CAPN8: variants seen among roughly 807,000 people sequenced by gnomAD.
CAPN8 encodes calpain 8, also known as calpain-8.
CAPN8 carries 87 observed loss-of-function variants against 80.9 expected under a neutral mutation model. That is an observed-to-expected ratio of 1.07 (90% CI 0.90 to 1.28). The LOEUF is 1.28. Among genes scored for constraint, CAPN8 ranks in the 50% most tolerant of loss-of-function variants. CAPN8 has a pLI of 0.00. For missense variants in CAPN8, 757 were observed against 702.0 expected, an observed-to-expected ratio of 1.08 and a Z score of -0.89; for synonymous variants, 299 against 273.8, an observed-to-expected ratio of 1.09 and a Z score of -0.91.
chr1:223,654,842 ATTT>A (rs35365292), intron 1 of CAPN8, among the ~76,000 whole-genome samples: 1,558 of 111,730 alleles, frequency 0.014, 36 homozygotes, highest in African/African-American at 0.05. Context: ...CACCCGGCTA[ATTT>A]TTTTTTTTTT....
At position 223,665,490 on chromosome 1, in the gene CAPN8, C is replaced by T; in HGVS notation, c.157G>A (p.Ala53Thr). The stretch of plus-strand genomic sequence containing the variant: ...TTGTAGCCCAAAGCTGATGGACATG[C>T]TGGGAACTCAGGGTCCTTAAATAGG... ...GVLFKDPEFP[A>T]CPSALGYKDL... The change falls in exon 1 of 21, where the codon GCA (alanine) becomes ACA (threonine). Residue 53 changes from alanine to threonine, a missense_variant. Coordinates refer to ENST00000366872, the MANE Select transcript of CAPN8 (RefSeq NM_001143962.2). 1 of 1,551,880 alleles carries T rather than the reference C, an allele frequency of 6.4e-7. No homozygotes were observed. Among genetic ancestry groups the T allele is most frequent in the Non-Finnish European group, 8.7e-7 (1 of 1,147,020 alleles).
chr1:223,627,472 C>T (rs766485168), intron 4 of CAPN8, among the ~76,000 whole-genome samples: 3 of 152,196 alleles, frequency 2.0e-5, no homozygotes, highest in Non-Finnish European at 4.4e-5. Flanking sequence ...AGAAGGAGAA[C>T]TTTCCCTCAA....
chr1:223,558,217 A>G, intron 12 of CAPN8, 50 bp from the exon 13 acceptor site: 1 of 398,594 alleles, frequency 2.5e-6, no homozygotes, highest in Non-Finnish European at 4.4e-6. Flanking sequence ...TAAAAAGTAC[A>G]GCTAATGGCT....
chr1:223,656,044 G>A (rs1259848429), intron 1 of CAPN8, among the ~76,000 whole-genome samples: 6 of 152,138 alleles, frequency 3.9e-5, no homozygotes, highest in Non-Finnish European at 8.8e-5. Context: ...GCTGGCAGTG[G>A]GGATTCTGGG....
At chr1:223,555,990 A>G (rs977883550) in intron 13 of CAPN8, among the ~76,000 whole-genome samples, 2 of 152,228 alleles carry the variant, frequency 1.3e-5, no homozygotes, top group African/African-American at 2.4e-5. Flanking sequence ...ATCTATATGA[A>G]AATGCTTTGC....
In CAPN8 at chr1:223,543,161, A is replaced by C. The variant is rs1382980588; in HGVS notation, c.2035T>G (p.Phe679Val). Residue 679 changes from phenylalanine to valine, a missense_variant, in exon 20 of 21, where the codon TTC becomes GTC. By Grantham distance (50) the Phe-to-Val change is conservative. Coordinates refer to ENST00000366872, the MANE Select transcript of CAPN8 (RefSeq NM_001143962.2). ...TCCTTGTCTTCGTCCAGAAGGCTGA[A>C]TAGTTCTAAAACACCAGAGAAGGAA... ...MIRLETLFKL[F>V]SLLDEDKDGM... The C allele has an allele frequency of 6.4e-7, 1 of 1,551,564 alleles. No homozygotes were observed. Among genetic ancestry groups the C allele is most frequent in the African/African-American group, 1.4e-5 (1 of 73,056 alleles).
rs564925353 is a variant in CAPN8, at chr1:223,662,439, ACT to A, written c.237+2969_237+2970del. 2.6e-3 allele frequency among the ~76,000 whole-genome samples: 399 copies of A among 151,902 alleles called. 2 individuals carry two copies. Among genetic ancestry groups the A allele is most frequent in the African/African-American group, 9.1e-3 (376 of 41,382 alleles). The stretch of plus-strand genomic sequence containing the variant: ...ACTCCAGCCTGGGCAACAGAGAAAG[ACT>A]CTATCTCAAACAAAAAAAAAGAAAG... On this transcript the variant is annotated intron_variant, in intron 1 of 20. Transcript: ENST00000366872.
At position 223,627,016 on chromosome 1, in the gene CAPN8, C is replaced by T. The variant is rs767030878; in HGVS notation, c.702G>A (p.Ala234=). 41 of 1,551,694 alleles carry T rather than the reference C, an allele frequency of 2.6e-5. No individual in the cohort carries two copies. Among genetic ancestry groups the T allele is most frequent in the Middle Eastern group, 3.3e-4 (2 of 6,014 alleles). ...CAATGGAGCAGCCCAGCAGAGACCC[C>T]GCACAGAGGGCCTTCCGGATGATCT... ...LYQIIRKALC[A]GSLLGCSIDV... Residue 234 remains alanine (A), a synonymous_variant, in exon 5 of 21, where the codon GCG becomes GCA. Transcript: ENST00000366872.
rs1305947376 is a variant in CAPN8 at position 223,620,090 on chromosome 1, C to A, written c.974+102G>T. 4 of 943,986 alleles carry A rather than the reference C, an allele frequency of 4.2e-6. No individual in the cohort carries two copies. The African/African-American group carries it at 4.9e-5, about 12-fold the overall frequency. The allele number at this position is 943,986 out of a possible 1,614,324, so 58.5% of individuals were successfully genotyped here. On this transcript the variant is annotated intron_variant, in intron 8 of 20. Coordinates refer to ENST00000366872, the MANE Select transcript of CAPN8 (RefSeq NM_001143962.2). The stretch of plus-strand genomic sequence containing the variant: ...AGAATGAATTCACCATGATCAGGAA[C>A]CATGTCGCCTTCCTGGAAGACCCAG...
chr1:223,547,812 C>G (rs1360721959), intron 16 of CAPN8, among the ~76,000 whole-genome samples: 2 of 152,156 alleles, frequency 1.3e-5, no homozygotes, highest in East Asian at 1.9e-4. Context: ...AGGCAACTCT[C>G]AAATCTAAAC....
At chr1:223,648,266 C>T (rs991832728) in intron 2 of CAPN8, among the ~76,000 whole-genome samples, 7 of 152,176 alleles carry the variant, frequency 4.6e-5, no homozygotes, top group Non-Finnish European at 1.0e-4. Context: ...GTGAACTTCC[C>T]CCGAATCACG....
chr1:223,623,292 G>A (rs1391483683), intron 6 of CAPN8, among the ~76,000 whole-genome samples: 2 of 152,190 alleles, frequency 1.3e-5, no homozygotes, highest in African/African-American at 4.8e-5. Flanking sequence ...TACAGATGAG[G>A]TGTAGTGCTA....
intron 13 of CAPN8, among the ~76,000 whole-genome samples, chr1:223,557,377 C>T (rs981647756): frequency 1.4e-4 from 10 of 70,192 alleles, no homozygotes; most frequent in East Asian, 4.1e-4. Context: ...GCCAGAGACA[C>T]GTCAGTGTTG....
chr1:223,643,627 C>T (rs1021506670), intron 2 of CAPN8, among the ~76,000 whole-genome samples: 3 of 152,232 alleles, frequency 2.0e-5, no homozygotes, highest in Non-Finnish European at 4.4e-5. Flanking sequence ...GTGGGCAGGG[C>T]AACTGCAGAG....
At chr1:223,545,554 T>C (rs1264690493) in intron 16 of CAPN8, among the ~76,000 whole-genome samples, 1 of 152,164 alleles carries the variant, frequency 6.6e-6, no homozygotes, top group Non-Finnish European at 1.5e-5. Context: ...CAATCTGCAA[T>C]ATCGTGAATA....
At chr1:223,617,905 C>A in intron 9 of CAPN8, 1 of 218,358 alleles carries the variant, frequency 4.6e-6, no homozygotes, top group Non-Finnish European at 9.1e-6. Context: ...CCCTTTCCTT[C>A]CTCTCTGTTC....
chr1:223,656,676 GTTTTGTTTT>G (rs1475062165), intron 1 of CAPN8, among the ~76,000 whole-genome samples: 1 of 88,338 alleles, frequency 1.1e-5, no homozygotes, highest in Non-Finnish European at 2.3e-5. Flanking sequence ...GGGTTTTTTT[GTTTTGTTTT>G]TTTTTTTTTT....
At chr1:223,644,575 A>G (rs9804135) in intron 2 of CAPN8, among the ~76,000 whole-genome samples, 90,478 of 152,110 alleles carry the variant, frequency 0.59, 27,092 homozygotes, top group African/African-American at 0.66. Flanking sequence ...AGAAAGACAA[A>G]CAATAAATAA....
intron 16 of CAPN8, chr1:223,545,516 A>C (rs1656598064): frequency 7.3e-6 from 5 of 689,244 alleles, no homozygotes. Flanking sequence ...GCACAGAGCT[A>C]GGAACAAAGG....
Sources: gnomAD v4.1 joint callset for allele counts (sites outside exome capture counted in the v4.1 genomes callset) on GRCh38, gnomAD v4.1.1 for gene constraint, MANE v1.5 for transcripts, NCBI Gene and HGNC (gene_info 2026-07-23, HGNC 2026-07-21) for gene names.